Variants in CNNM1 observed in about 807,000 individuals in gnomAD.
The protein encoded by CNNM1 is metal transporter CNNM1.
A neutral mutation model predicts 78.8 loss-of-function variants in CNNM1; 44 were observed. The observed-to-expected ratio is 0.56, with a 90% CI of 0.44 to 0.72. The LOEUF (loss-of-function observed/expected upper bound fraction) is 0.72. CNNM1 is among the 30% of genes least tolerant of loss of function. The pLI is 0.00. For missense variants in CNNM1, 1,101 were observed against 1,292.2 expected (o/e 0.85, Z 2.27); for synonymous variants, 584 against 581.5 (o/e 1.00, Z -0.06).
chr10:99,385,741 A>G (rs974734685), intron 7 of CNNM1, among the ~76,000 whole-genome samples: 4 of 152,190 alleles, frequency 2.6e-5, no homozygotes, highest in Admixed American at 1.3e-4. Flanking sequence ...TTAAAAATGT[A>G]TATGTATTTG....
intron 7 of CNNM1, among the ~76,000 whole-genome samples, chr10:99,385,938 A>G (rs2032291004): frequency 6.6e-6 from 1 of 152,188 alleles, no homozygotes; most frequent in Non-Finnish European, 1.5e-5. Flanking sequence ...ACCAAGTGTC[A>G]TTTAGGGAAT....
intron 1 of CNNM1, among the ~76,000 whole-genome samples, chr10:99,357,177 A>C (rs1424661905): frequency 3.9e-5 from 6 of 152,196 alleles, no homozygotes; most frequent in Non-Finnish European, 7.4e-5. Flanking sequence ...TTTTACCATA[A>C]TTCTGACTCT....
intron 7 of CNNM1, among the ~76,000 whole-genome samples, chr10:99,381,645 G>A (rs997234446): frequency 3.3e-5 from 5 of 151,820 alleles, no homozygotes; most frequent in Non-Finnish European, 5.9e-5. Context: ...GGGAGGCTGA[G>A]GCAGGAGAAT....
intron 1 of CNNM1, among the ~76,000 whole-genome samples, chr10:99,342,954 T>C (rs558964839): frequency 3.3e-5 from 5 of 152,098 alleles, no homozygotes; most frequent in African/African-American, 1.2e-4. Context: ...AGTCCCATCT[T>C]TTTTTTTCTT....
intron 1 of CNNM1, among the ~76,000 whole-genome samples, chr10:99,335,693 T>C (rs1315039841): frequency 1.3e-5 from 2 of 152,216 alleles, no homozygotes; most frequent in African/African-American, 4.8e-5. Flanking sequence ...TTAATCATTG[T>C]CGTCTGCACA....
At chr10:99,371,372 A>G (rs913631268) in intron 6 of CNNM1, among the ~76,000 whole-genome samples, 7 of 152,194 alleles carry the variant, frequency 4.6e-5, no homozygotes, top group African/African-American at 1.4e-4. Context: ...ACACAGCCCC[A>G]CTGCAATTAG....
In CNNM1 at chr10:99,330,729, C is replaced by T; in HGVS notation, c.1342C>T (p.Leu448Phe). The change falls in exon 1 of 11, where the codon CTC (leucine) becomes TTC (phenylalanine). Residue 448 changes from leucine to phenylalanine, a missense_variant. By Grantham distance (22) the Leu-to-Phe change is conservative. This residue lies in a region of CNNM1 where 277 missense variants were observed against 423.2 expected (regional missense o/e 0.65). Coordinates refer to ENST00000356713, the MANE Select transcript of CNNM1 (RefSeq NM_020348.3). ...DCFMLRSDAV[L>F]DFATVSEILR... is the part of the protein sequence containing the mutation. ...CTTCATGCTGCGCTCAGACGCGGTGCTCGACTTCGCCACTGTCTCCGAGAT... is the reference window on the plus strand; with the variant it reads ...CTTCATGCTGCGCTCAGACGCGGTGTTCGACTTCGCCACTGTCTCCGAGAT... 6.2e-7 allele frequency: 1 copy of T among 1,614,056 alleles called. No individual in the cohort carries two copies. The highest frequency in any genetic ancestry group is 8.5e-7 in the Non-Finnish European group (1 of 1,179,910).
In CNNM1 at chr10:99,391,641, T is replaced by A; in HGVS notation, c.*125T>A. On this transcript the variant is annotated 3_prime_UTR_variant, in exon 11 of 11. Coordinates refer to ENST00000356713, the MANE Select transcript of CNNM1 (RefSeq NM_020348.3). ...ACAGAATGTTCTGCCTTCCCTTCCA[T>A]CTCTTCACCCCTAGCTGTCAGTTTG... 1 of 759,996 alleles carries A rather than the reference T, an allele frequency of 1.3e-6. No homozygotes were observed. Among genetic ancestry groups the A allele is most frequent in the Non-Finnish European group, 2.2e-6 (1 of 461,436 alleles). 47.1% of individuals were successfully genotyped at this position (759,996 alleles called of 1,614,324 possible).
At chr10:99,365,091 T>C in intron 6 of CNNM1, 89 bp downstream of exon 6, 1 of 1,356,740 alleles carries the variant, frequency 7.4e-7, no homozygotes, top group Non-Finnish European at 1.0e-6. Flanking sequence ...ACTTTGAGCC[T>C]GGGCTGGGGC....
chr10:99,391,340 C>A, intron 10 of CNNM1, 97 bp from the exon 11 acceptor site: 1 of 889,294 alleles, frequency 1.1e-6, no homozygotes, highest in Non-Finnish European at 1.8e-6. Flanking sequence ...GCTTTGTCTC[C>A]ATTTCTGCTT....
intron 6 of CNNM1, among the ~76,000 whole-genome samples, chr10:99,374,096 T>C (rs1395503457): frequency 6.6e-6 from 1 of 152,244 alleles, no homozygotes; most frequent in Non-Finnish European, 1.5e-5. Flanking sequence ...AGTTGTGGGA[T>C]TTCTGGCTTG....
At chr10:99,345,254 A>G (rs899396557) in intron 1 of CNNM1, among the ~76,000 whole-genome samples, 2 of 152,224 alleles carry the variant, frequency 1.3e-5, no homozygotes, top group Non-Finnish European at 2.9e-5. Context: ...TATGGCAAAA[A>G]CTAGGAAATG....
chr10:99,364,619 T>G, intron 5 of CNNM1, 103 bp downstream of exon 5: 1 of 929,744 alleles, frequency 1.1e-6, no homozygotes, highest in Non-Finnish European at 1.6e-6. Flanking sequence ...TTAATCAGCC[T>G]GGACAAGCCA....
intron 6 of CNNM1, among the ~76,000 whole-genome samples, chr10:99,365,343 A>G (rs1472847175): frequency 2.0e-5 from 3 of 152,208 alleles, no homozygotes; most frequent in Non-Finnish European, 2.9e-5. Flanking sequence ...CTTCTGTGCA[A>G]TAACAATTCA....
intron 1 of CNNM1, among the ~76,000 whole-genome samples, chr10:99,352,657 A>G (rs150847342): frequency 4.1e-4 from 63 of 152,272 alleles, no homozygotes; most frequent in Admixed American, 1.6e-3. Flanking sequence ...CCAATTGTAT[A>G]TCTTCTTTGG....
chr10:99,360,333 G>A (rs1056124456), intron 2 of CNNM1, among the ~76,000 whole-genome samples: 13 of 152,162 alleles, frequency 8.5e-5, no homozygotes, highest in African/African-American at 2.7e-4. Flanking sequence ...GCAAAGGAGG[G>A]GGACAGAGTC....
chr10:99,389,889 T>C (rs373307366), intron 9 of CNNM1, among the ~76,000 whole-genome samples: 161 of 152,298 alleles, frequency 1.1e-3, no homozygotes, highest in African/African-American at 3.6e-3. Flanking sequence ...ACAGGGGCAT[T>C]GTTGTTGAAC....
At chr10:99,372,706 T>C (rs2031841575) in intron 6 of CNNM1, among the ~76,000 whole-genome samples, 1 of 152,166 alleles carries the variant, frequency 6.6e-6, no homozygotes, top group Non-Finnish European at 1.5e-5. Flanking sequence ...CAGAAACCTC[T>C]GAGTGTATAT....
At chr10:99,368,051 ATTG>A (rs2031682658) in intron 6 of CNNM1, among the ~76,000 whole-genome samples, 1 of 152,232 alleles carries the variant, frequency 6.6e-6, no homozygotes, top group South Asian at 2.1e-4. Context: ...TGCTAGAGAT[ATTG>A]TTCTTCCTTT....
Sources: gnomAD v4.1 joint callset for allele counts (sites outside exome capture counted in the v4.1 genomes callset) on GRCh38, gnomAD v4.1.1 for gene constraint, gnomAD v4.1.1 regional missense constraint, MANE v1.5 for transcripts, NCBI Gene and HGNC (gene_info 2026-07-23, HGNC 2026-07-21) for gene names.